ZNF681: variants seen among roughly 807,000 people sequenced by gnomAD.
ZNF681 encodes zinc finger protein 681.
In ZNF681, 37 loss-of-function variants were observed where a neutral mutation model predicts 56.0. That is an observed-to-expected ratio of 0.66 (90% confidence interval 0.51 to 0.87). The LOEUF (loss-of-function observed/expected upper bound fraction) is 0.87, where lower values mean the gene tolerates loss of function less well. ZNF681 is among the 40% of genes least tolerant of loss of function. ZNF681 has a pLI of 0.00. For synonymous variants in ZNF681, 225 were observed against 248.6 expected (o/e 0.91, Z 0.89); for missense variants, 741 against 744.9 (o/e 0.99, Z 0.06).
rs1304652921 is a variant in ZNF681 at position 23,744,989 on chromosome 19, T to C, written c.561A>G (p.Gln187=). 2 of 1,598,504 alleles carry C rather than the reference T, an allele frequency of 1.3e-6. No homozygotes were observed. The highest frequency in any genetic ancestry group is 1.7e-6 in the Non-Finnish European group (2 of 1,172,494). Residue 187 remains glutamine, a synonymous_variant, in exon 4 of 4, where the codon CAA becomes CAG. Coordinates refer to ENST00000402377, the MANE Select transcript of ZNF681 (RefSeq NM_138286.3). ...KSFCIFSNLT[Q]HKIICTRVNF... ...TTACTCTAGTACAAATTATTTTATG[T>C]TGAGTTAGGTTTGAAAATATGCAAA...
chr19:23,750,392 C>T (rs1443415105), intron 3 of ZNF681, among the ~76,000 whole-genome samples: 5 of 151,572 alleles, frequency 3.3e-5, no homozygotes, highest in Non-Finnish European at 7.4e-5. Flanking sequence ...AACATATATA[C>T]TCTCATTGTG....
Position 23,755,554 on chromosome 19 carries a change from G to T in ZNF681, c.4-3C>A. 1.4e-6 allele frequency: 2 copies of T among 1,434,650 alleles called. No homozygotes were observed. Among genetic ancestry groups the T allele is most frequent in the Non-Finnish European group, 1.9e-6 (2 of 1,074,416 alleles). 88.9% of individuals were successfully genotyped at this position (1,434,650 alleles called of 1,614,324 possible). A position where few individuals can be genotyped will look rare whatever the true frequency, so the allele number is the denominator to read the frequency against. On this transcript the variant is annotated splice_polypyrimidine_tract_variant and splice_region_variant and intron_variant, in intron 1 of 3. Coordinates refer to ENST00000402377, the MANE Select transcript of ZNF681 (RefSeq NM_138286.3). ...ACATCCCTAAATTTCAATGGTTCCT[G>T]AAAAACACACACACACACACACACA...
rs1386647459 is a variant in ZNF681 at position 23,755,428 on chromosome 19, A to G, written c.127T>C (p.Leu43=). The G allele has an allele frequency of 3.1e-6, 5 of 1,610,586 alleles. No homozygotes were observed. Among genetic ancestry groups the G allele is most frequent in the Non-Finnish European group, 3.4e-6 (4 of 1,178,354 alleles). ...TGTATATTGAAGTTATCCTCACCCA[A>G]GAAGACCAGGTTTCTGTAGTTCTCT... is the stretch of plus-strand genomic sequence containing the variant. ...MLENYRNLVF[L]GIVVSKPDLI... is the part of the protein sequence containing the mutation. The change falls in exon 2 of 4, where the codon TTG becomes CTG. Residue 43 remains leucine, a synonymous_variant. Coordinates refer to ENST00000402377, the MANE Select transcript of ZNF681 (RefSeq NM_138286.3).
chr19:23,758,889 G>C lies in ZNF681; in HGVS notation c.-140C>G. The C allele has an allele frequency of 8.4e-7, 1 of 1,184,530 alleles. No homozygotes were observed. The highest frequency in any genetic ancestry group is 1.2e-6 in the Non-Finnish European group (1 of 826,832). The allele number at this position is 1,184,530 out of a possible 1,614,324, so 73.4% of individuals were successfully genotyped here. On this transcript the variant is annotated 5_prime_UTR_variant, in exon 1 of 4. Coordinates refer to ENST00000402377, the MANE Select transcript of ZNF681 (RefSeq NM_138286.3). ...ACCCGGAGCTCGGGCTGAAGGGAGA[G>C]ACAAAGGCCCCGCCAATCCCGGAAG...
At position 23,740,960 on chromosome 19, in the gene ZNF681, AAC is replaced by A. The variant is rs1968868072; in HGVS notation, c.*2650_*2651del. On this transcript the variant is annotated 3_prime_UTR_variant, in exon 4 of 4. Coordinates refer to ENST00000402377, the MANE Select transcript of ZNF681 (RefSeq NM_138286.3). ...CTAGCCTAAGAATCAGGCAAGTAAA[AAC>A]AAAAATTTGCATAGGGAGATTCTGA... The A allele has an allele frequency of 1.3e-5, 2 of 152,166 alleles. No individual in the cohort carries two copies. The highest frequency in any genetic ancestry group is 4.1e-4 in the South Asian group (2 of 4,834). The allele number at this position is 152,166 out of a possible 1,614,324, so 9.4% of individuals were successfully genotyped here. A position where few individuals can be genotyped will look rare whatever the true frequency, so the allele number is the denominator to read the frequency against.
rs1308616427 is a variant in ZNF681 at position 23,742,576 on chromosome 19, T to C, written c.*1036A>G. 1.3e-5 allele frequency: 2 copies of C among 152,092 alleles called. No individual in the cohort carries two copies. Among genetic ancestry groups the C allele is most frequent in the East Asian group, 3.9e-4 (2 of 5,192 alleles). 9.4% of individuals were successfully genotyped at this position (152,092 alleles called of 1,614,324 possible). ...AACACAGGATATTTATCTGAACTCC[T>C]ACCTCATGCATCAGTCAATATTATA... is the stretch of plus-strand genomic sequence containing the variant. On this transcript the variant is annotated 3_prime_UTR_variant, in exon 4 of 4. Coordinates refer to ENST00000402377, the MANE Select transcript of ZNF681 (RefSeq NM_138286.3).
intron 3 of ZNF681, among the ~76,000 whole-genome samples, chr19:23,751,665 A>G (rs865877643): frequency 1.3e-5 from 2 of 151,978 alleles, no homozygotes; most frequent in African/African-American, 4.8e-5. Context: ...AGCATTTAAA[A>G]GAAACTAGAG....
In ZNF681 at chr19:23,743,522, T is replaced by A; in HGVS notation, c.*90A>T. ...TTGGTTAAAAGTTTTGCCACATTCT[T>A]CACACTTGTAGGTTTTTTTTTAGTA... On this transcript the variant is annotated 3_prime_UTR_variant, in exon 4 of 4. Transcript: ENST00000402377. 8.0e-7 allele frequency: 1 copy of A among 1,257,366 alleles called. No individual in the cohort carries two copies. Among genetic ancestry groups the A allele is most frequent in the Non-Finnish European group, 1.1e-6 (1 of 950,636 alleles). The allele number at this position is 1,257,366 out of a possible 1,614,324, so 77.9% of individuals were successfully genotyped here.
intron 3 of ZNF681, among the ~76,000 whole-genome samples, chr19:23,748,501 C>T (rs893577197): frequency 1.5e-4 from 23 of 152,210 alleles, no homozygotes; most frequent in African/African-American, 5.5e-4. Context: ...CAGACAACCA[C>T]CCCCTTCTCC....
At position 23,745,245 on chromosome 19, in the gene ZNF681, C is replaced by T. The variant is rs780800373; in HGVS notation, c.305G>A (p.Arg102Lys). The T allele has an allele frequency of 1.2e-6, 2 of 1,607,522 alleles. No individual in the cohort carries two copies. The highest frequency in any genetic ancestry group is 2.2e-5 in the South Asian group (2 of 89,326). The change falls in exon 4 of 4, where the codon AGA becomes AAA. Residue 102 changes from arginine to lysine, a missense_variant. Arg to Lys is a conservative substitution (Grantham distance 26). Coordinates refer to ENST00000402377, the MANE Select transcript of ZNF681 (RefSeq NM_138286.3). ...KDSFQKVTPR[R>K]YGKCEHENLQ... ...ATTCTCATGTTCACATTTTCCATAT[C>T]TTCTTGGTGTCACTTTTTGGAAAGA...
intron 3 of ZNF681, among the ~76,000 whole-genome samples, chr19:23,750,590 C>T (rs1352426553): frequency 6.6e-6 from 1 of 151,926 alleles, no homozygotes; most frequent in African/African-American, 2.4e-5. Flanking sequence ...ACCTGTAATC[C>T]CAGCACTTAG....
intron 3 of ZNF681, among the ~76,000 whole-genome samples, chr19:23,751,619 A>C (rs1220101132): frequency 6.6e-6 from 1 of 152,218 alleles, no homozygotes; most frequent in Non-Finnish European, 1.5e-5. Flanking sequence ...GTGTAATCAT[A>C]AACAGAAGAT....
intron 3 of ZNF681, among the ~76,000 whole-genome samples, chr19:23,750,276 T>A (rs1242940980): frequency 3.9e-5 from 4 of 101,620 alleles, no homozygotes; most frequent in African/African-American, 1.7e-4. Context: ...AGAGTGAGAC[T>A]CCAACTCAAA....
chr19:23,758,686 A>T (rs1969164616), intron 1 of ZNF681, 61 bp downstream of exon 1: 2 of 1,613,086 alleles, frequency 1.2e-6, no homozygotes, highest in Non-Finnish European at 1.7e-6. Flanking sequence ...GACTGCGGCG[A>T]GGTCTGAGTC....
intron 1 of ZNF681, among the ~76,000 whole-genome samples, chr19:23,758,120 A>G (rs546120828): frequency 6.6e-6 from 1 of 152,374 alleles, no homozygotes; most frequent in Admixed American, 6.5e-5. Flanking sequence ...AATTTTCTGC[A>G]CACATCTATT....
Position 23,755,558 on chromosome 19 carries a change from AACACACACACAC to A in ZNF681, c.4-19_4-8del, listed in dbSNP as rs763001279. On this transcript the variant is annotated splice_polypyrimidine_tract_variant and splice_region_variant and intron_variant, in intron 1 of 3. Coordinates refer to ENST00000402377, the MANE Select transcript of ZNF681 (RefSeq NM_138286.3). ...CCCTAAATTTCAATGGTTCCTGAAA[AACACACACACAC>A]ACACACACACACACACACACACACA... 218 of 1,277,530 alleles carry A rather than the reference AACACACACACAC, an allele frequency of 1.7e-4. No individual in the cohort carries two copies. The African/African-American group carries it at 2.6e-3, about 15-fold the overall frequency. The allele number at this position is 1,277,530 out of a possible 1,614,324, so 79.1% of individuals were successfully genotyped here.
chr19:23,744,946 C>A lies in ZNF681; in HGVS notation c.604G>T (p.Asp202Tyr), dbSNP rs142298187. The A allele has an allele frequency of 6.3e-7, 1 of 1,596,816 alleles. No individual in the cohort carries two copies. Among genetic ancestry groups the A allele is most frequent in the Non-Finnish European group, 8.5e-7 (1 of 1,170,956 alleles). Residue 202 changes from aspartate (D) to tyrosine (Y), a missense_variant, in exon 4 of 4, where the codon GAC (aspartate) becomes TAC (tyrosine). By Grantham distance (160) the Asp-to-Tyr change is radical (BLOSUM62 -3). Transcript: ENST00000402377. ...GATCCATTAAAGGCTTTTCCACAGTCTTCACATTTGTAGAAATTTACTCTA... is the reference window on the plus strand; with the variant it reads ...GATCCATTAAAGGCTTTTCCACAGTATTCACATTTGTAGAAATTTACTCTA... The part of the protein sequence containing the change: ...CTRVNFYKCE[D>Y]CGKAFNGSSI...
Position 23,745,072 on chromosome 19 carries a change from G to A in ZNF681, c.478C>T (p.His160Tyr), listed in dbSNP as rs1036561099. 3.1e-6 allele frequency: 5 copies of A among 1,598,604 alleles called. No homozygotes were observed. The African/African-American group carries it at 4.0e-5, about 13-fold the overall frequency. Residue 160 changes from histidine to tyrosine, a missense_variant, in exon 4 of 4, where the codon CAT becomes TAT. By Grantham distance (83) the His-to-Tyr change is moderately conservative. Coordinates refer to ENST00000402377, the MANE Select transcript of ZNF681 (RefSeq NM_138286.3). The stretch of plus-strand genomic sequence containing the variant: ...TTTTTTCTGGTGTGTCTTACCTTAT[G>A]TCCATTTAAATTTGAAAATTTATGA... ...IFHKFSNLNG[H>Y]KVRHTRKKPF... is the part of the protein sequence containing the mutation.
Position 23,744,102 on chromosome 19 carries a change from C to T in ZNF681, c.1448G>A (p.Cys483Tyr), listed in dbSNP as rs1045135047. The T allele has an allele frequency of 6.2e-7, 1 of 1,612,184 alleles. No individual in the cohort carries two copies. ...TGAGGACTGGTTAAAAGCTTTGCCACATTCTTCACATTTGTAGGGTTTCTC... is the reference window on the plus strand; with the variant it reads ...TGAGGACTGGTTAAAAGCTTTGCCATATTCTTCACATTTGTAGGGTTTCTC... ...TGEKPYKCEE[C>Y]GKAFNQSSIL... The change falls in exon 4 of 4, where the codon TGT becomes TAT. Residue 483 changes from cysteine (C) to tyrosine (Y), a missense_variant. Physicochemically the swap from Cys to Tyr is radical, Grantham distance 194. Coordinates refer to ENST00000402377, the MANE Select transcript of ZNF681 (RefSeq NM_138286.3).
Sources: allele counts gnomAD v4.1 joint callset (sites outside exome capture counted in the v4.1 genomes callset), GRCh38; gene constraint gnomAD v4.1.1; transcripts MANE v1.5; gene names NCBI Gene and HGNC (gene_info 2026-07-23, HGNC 2026-07-21).